The following STX8 variants were observed in gnomAD, a reference collection of about 807,000 sequenced individuals.
STX8 encodes the protein syntaxin-8.
Under a neutral mutation model 37.5 loss-of-function variants are expected in STX8, and 23 were observed. The observed-to-expected ratio is 0.61, with a 90% CI of 0.44 to 0.87. STX8 has a LOEUF of 0.87. Among genes scored for constraint, STX8 ranks in the 40% least tolerant of loss-of-function variants. STX8 has a pLI of 0.00. For synonymous variants in STX8, 115 were observed against 99.1 expected, an observed-to-expected ratio of 1.16 and a Z score of -0.95; for missense variants, 313 against 284.7, an observed-to-expected ratio of 1.10 and a Z score of -0.71.
intron 2 of STX8, 87 bp from the exon 3 acceptor site, chr17:9,557,615 T>C: frequency 2.6e-6 from 3 of 1,168,658 alleles, no homozygotes; most frequent in South Asian, 1.3e-5. Flanking sequence ...CTTCACGGGC[T>C]ATGATGCAAC....
intron 6 of STX8, among the ~76,000 whole-genome samples, chr17:9,449,477 G>A (rs148348707): frequency 0.037 from 5,689 of 152,198 alleles, 313 homozygotes; most frequent in African/African-American, 0.11. Flanking sequence ...GGAGAATGGC[G>A]TGAACCCCGG....
At chr17:9,556,788 TATATATAC>T (rs1368565426) in intron 3 of STX8, 306 of 19,534 alleles carry the variant, frequency 0.016, 5 homozygotes, top group African/African-American at 0.044. Flanking sequence ...TATATATATA[TATATATAC>T]ACATACATAT....
intron 4 of STX8, among the ~76,000 whole-genome samples, chr17:9,522,110 C>CA (rs1482292457): frequency 6.6e-6 from 1 of 151,806 alleles, no homozygotes; most frequent in Non-Finnish European, 1.5e-5. Context: ...CCATCTTAAG[C>CA]AAAAAACAAA....
chr17:9,260,352 G>A (rs766880689), intron 7 of STX8, among the ~76,000 whole-genome samples: 45 of 152,024 alleles, frequency 3.0e-4, no homozygotes, highest in East Asian at 1.2e-3. Context: ...GGCCGGGCGC[G>A]GTGGCTCACA....
intron 6 of STX8, among the ~76,000 whole-genome samples, chr17:9,385,084 TAA>T (rs568000532): frequency 1.3e-5 from 2 of 151,134 alleles, no homozygotes; most frequent in African/African-American, 2.4e-5. Context: ...GGACAGGACA[TAA>T]AAAGACTATC....
At chr17:9,431,831 G>A (rs1188707486) in intron 6 of STX8, among the ~76,000 whole-genome samples, 1 of 152,158 alleles carries the variant, frequency 6.6e-6, no homozygotes, top group African/African-American at 2.4e-5. Flanking sequence ...GGCTATGCTT[G>A]CAGAGCTTTC....
chr17:9,356,844 C>T (rs1910894061), intron 7 of STX8, among the ~76,000 whole-genome samples: 1 of 152,044 alleles, frequency 6.6e-6, no homozygotes, highest in African/African-American at 2.4e-5. Context: ...CTGTGGTGTG[C>T]AGCAGCGCAT....
chr17:9,250,524 T>C lies in STX8; in HGVS notation c.*54A>G. 4 of 1,496,292 alleles carry C rather than the reference T, an allele frequency of 2.7e-6. No homozygotes were observed. Among genetic ancestry groups the C allele is most frequent in the Non-Finnish European group, 3.7e-6 (4 of 1,093,418 alleles). 92.7% of individuals were successfully genotyped at this position (1,496,292 alleles called of 1,614,324 possible). On this transcript the variant is annotated 3_prime_UTR_variant, in exon 8 of 8. Transcript: ENST00000306357. ...CAGGTTTTGCGTACCAAAAGGGTGT[T>C]GGGCTTGCATCTGTCATTGGCAGGT...
intron 6 of STX8, among the ~76,000 whole-genome samples, chr17:9,435,179 A>T (rs1169036881): frequency 6.6e-6 from 1 of 152,230 alleles, no homozygotes; most frequent in Non-Finnish European, 1.5e-5. Flanking sequence ...GGAATGGAAC[A>T]GGTTTGTGGG....
rs546198873 is a variant in STX8 at position 9,531,026 on chromosome 17, A to C, written c.323+14146T>G. Among the ~76,000 whole-genome samples, 3 of 152,302 alleles carry C rather than the reference A, an allele frequency of 2.0e-5. No individual in the cohort carries two copies. In the South Asian group the frequency reaches 6.2e-4, roughly 32 times the overall value. On this transcript the variant is annotated intron_variant, in intron 4 of 7. Coordinates refer to ENST00000306357, the MANE Select transcript of STX8 (RefSeq NM_004853.3). The stretch of plus-strand genomic sequence containing the variant: ...CAGAGGCCAAGATTCATTTTTTTCC[A>C]TGTGGATATCCAGTTGACATAATGC...
At chr17:9,491,263 C>A (rs1466686430) in intron 6 of STX8, among the ~76,000 whole-genome samples, 1 of 150,222 alleles carries the variant, frequency 6.7e-6, no homozygotes, top group Non-Finnish European at 1.5e-5. Context: ...CGTATTTCTT[C>A]CCCCTTTCTG....
At chr17:9,529,105 A>G (rs938666333) in intron 4 of STX8, among the ~76,000 whole-genome samples, 10 of 152,160 alleles carry the variant, frequency 6.6e-5, no homozygotes, top group Admixed American at 2.6e-4. Context: ...AAGCAGTATT[A>G]ATACCAGCAA....
At position 9,320,957 on chromosome 17, in the gene STX8, A is replaced by G. The variant is rs978326850; in HGVS notation, c.643+57595T>C. On this transcript the variant is annotated intron_variant, in intron 7 of 7. Coordinates refer to ENST00000306357, the MANE Select transcript of STX8 (RefSeq NM_004853.3). ...CCCAACGGGGCCTCCAAAAAAAAAA[A>G]AAAACTTAACTCTAGTTAAATTGGA... Among the ~76,000 whole-genome samples, 5 of 152,110 alleles carry G rather than the reference A, an allele frequency of 3.3e-5. 1 individual carries two copies. Among genetic ancestry groups the G allele is most frequent in the Admixed American group, 6.6e-5 (1 of 15,252 alleles).
At position 9,378,633 on chromosome 17, in the gene STX8, T is replaced by G; in HGVS notation, c.562A>C (p.Asn188His). 1 of 1,613,694 alleles carries G rather than the reference T, an allele frequency of 6.2e-7. No homozygotes were observed. ...TTTTCATCTGTGTTCTCCACTAGGT[T>G]GGCAAGGTCGTCAATTATCTCTAGA... ...EQNEIIDDLA[N>H]LVENTDEKLR... The change falls in exon 7 of 8, where the codon AAC becomes CAC. Residue 188 changes from asparagine (N) to histidine (H), a missense_variant. Asn to His is a moderately conservative substitution (Grantham distance 68). Coordinates refer to ENST00000306357, the MANE Select transcript of STX8 (RefSeq NM_004853.3).
At chr17:9,521,822 C>CAA in intron 4 of STX8, among the ~76,000 whole-genome samples, 1 of 152,274 alleles carries the variant, frequency 6.6e-6, no homozygotes, top group Non-Finnish European at 1.5e-5. Context: ...AGAATCAGAA[C>CAA]AAGGAAAATA....
At chr17:9,312,361 C>T (rs1909221402) in intron 7 of STX8, among the ~76,000 whole-genome samples, 1 of 151,972 alleles carries the variant, frequency 6.6e-6, no homozygotes, top group Non-Finnish European at 1.5e-5. Flanking sequence ...GCCACCACGC[C>T]CAGCTAATTT....
chr17:9,316,212 T>C (rs143332843), intron 7 of STX8, among the ~76,000 whole-genome samples: 21 of 152,188 alleles, frequency 1.4e-4, no homozygotes, highest in African/African-American at 5.1e-4. Context: ...TAATTTATAA[T>C]GAGAAATATA....
At chr17:9,375,939 C>CA (rs1202880035) in intron 7 of STX8, among the ~76,000 whole-genome samples, 6 of 152,150 alleles carry the variant, frequency 3.9e-5, no homozygotes, top group Non-Finnish European at 8.8e-5. Flanking sequence ...AGCTCACTCT[C>CA]ATGATATCTA....
At chr17:9,563,150 T>C (rs1476379710) in intron 2 of STX8, among the ~76,000 whole-genome samples, 1 of 146,586 alleles carries the variant, frequency 6.8e-6, no homozygotes, top group Non-Finnish European at 1.5e-5. Flanking sequence ...CATTCATTCA[T>C]CCATTTATTT....
Sources: gnomAD v4.1 joint callset for allele counts (sites outside exome capture counted in the v4.1 genomes callset) on GRCh38, gnomAD v4.1.1 for gene constraint, MANE v1.5 for transcripts, NCBI Gene and HGNC (gene_info 2026-07-23, HGNC 2026-07-21) for gene names.